Variants in MED14 observed in about 807,000 individuals in gnomAD.
MED14 encodes the protein mediator of RNA polymerase II transcription subunit 14.
Under a neutral mutation model 109.0 loss-of-function variants are expected in MED14, and 8 were observed. That is an observed-to-expected ratio of 0.07 (90% CI 0.04 to 0.13). The LOEUF is 0.13. Ranked by LOEUF, MED14 falls within the 10% of genes least tolerant of loss-of-function variation. The pLI is 1.00. For missense variants in MED14, 711 were observed against 1,142.4 expected, an observed-to-expected ratio of 0.62 and a Z score of 5.44; for synonymous variants, 399 against 408.7, an observed-to-expected ratio of 0.98 and a Z score of 0.29.
In MED14 at chrX:40,651,782, T is replaced by C; in HGVS notation, c.*24A>G. 8.6e-7 allele frequency: 1 copy of C among 1,164,373 alleles called. No homozygotes were observed. The highest frequency in any genetic ancestry group is 3.2e-5 in the East Asian group (1 of 31,381). On this transcript the variant is annotated 3_prime_UTR_variant, in exon 31 of 31. Coordinates refer to ENST00000324817, the MANE Select transcript of MED14 (RefSeq NM_004229.4). ...TTTTTTGTTGTCTCATCTGTCAGCC[T>C]TCCTGGTTTAAAAACAATAGTGTCT... is the stretch of plus-strand genomic sequence containing the variant.
In MED14 at chrX:40,651,708, T is replaced by TA. The variant is rs760242976; in HGVS notation, c.*97dup. The TA allele has an allele frequency of 3.6e-4, 385 of 1,068,923 alleles. No homozygotes were observed. Among genetic ancestry groups the TA allele is most frequent in the Admixed American group, 3.3e-4 (7 of 21,500 alleles). 88.1% of individuals were successfully genotyped at this position (1,068,923 alleles called of 1,213,427 possible). A position where few individuals can be genotyped will look rare whatever the true frequency, so the allele number is the denominator to read the frequency against. ...TTTAGAATATTTAGCTCTTAAAGTT[T>TA]AAAAAAAAAGTCCTTTTCCTTTTTT... On this transcript the variant is annotated 3_prime_UTR_variant, in exon 31 of 31. Coordinates refer to ENST00000324817, the MANE Select transcript of MED14 (RefSeq NM_004229.4).
intron 13 of MED14, 60 bp from the exon 14 acceptor site, chrX:40,692,962 C>A: frequency 1.2e-6 from 1 of 858,176 alleles, no homozygotes; most frequent in East Asian, 3.9e-5. Flanking sequence ...TATTTTCCTC[C>A]GTACATCATC....
intron 30 of MED14, among the ~76,000 whole-genome samples, chrX:40,652,815 C>A (rs1928921536): frequency 9.0e-6 from 1 of 111,374 alleles, no homozygotes. Context: ...GGATCCCTTC[C>A]TCTACAGCAT....
At chrX:40,718,335 C>A (rs1931609201) in intron 3 of MED14, among the ~76,000 whole-genome samples, 2 of 111,897 alleles carry the variant, frequency 1.8e-5, no homozygotes, top group Non-Finnish European at 1.9e-5. Context: ...AAATGCTTAT[C>A]AGACCAAGGT....
chrX:40,692,340 A>G, intron 14 of MED14, 23 bp from the exon 15 acceptor site: 1 of 1,057,466 alleles, frequency 9.5e-7, no homozygotes, highest in Non-Finnish European at 1.2e-6. Flanking sequence ...TAAAGAACAC[A>G]AACAGGTAAA....
In MED14 at chrX:40,651,474, C is replaced by T. The variant is rs1242651608; in HGVS notation, c.*332G>A. ...CAAAAACCAAAAAAGGACTATTACA[C>T]CCAAAACATAAGAAAACAATTAAAT... is the stretch of plus-strand genomic sequence containing the variant. On this transcript the variant is annotated 3_prime_UTR_variant, in exon 31 of 31. Transcript: ENST00000324817. 1.3e-6 allele frequency: 1 copy of T among 781,807 alleles called. No homozygotes were observed. The highest frequency in any genetic ancestry group is 6.5e-5 in the South Asian group (1 of 15,451). The allele number at this position is 781,807 out of a possible 1,213,427, so 64.4% of individuals were successfully genotyped here. A position where few individuals can be genotyped will look rare whatever the true frequency, so the allele number is the denominator to read the frequency against.
intron 1 of MED14, among the ~76,000 whole-genome samples, chrX:40,730,573 C>T (rs1244674406): frequency 2.7e-5 from 3 of 111,207 alleles, no homozygotes; most frequent in Non-Finnish European, 3.8e-5. Flanking sequence ...TCCTACCTGC[C>T]TCAGAGACCC....
chrX:40,718,009 C>G (rs1416043947), intron 3 of MED14, among the ~76,000 whole-genome samples: 2 of 112,115 alleles, frequency 1.8e-5, no homozygotes, highest in Non-Finnish European at 3.8e-5. Context: ...GGAAGTACAA[C>G]CAGATAATTA....
At chrX:40,720,713 G>A (rs1044374758) in intron 3 of MED14, among the ~76,000 whole-genome samples, 2 of 109,684 alleles carry the variant, frequency 1.8e-5, no homozygotes, top group Non-Finnish European at 3.8e-5. Flanking sequence ...CCCAGGCAGC[G>A]CAGCTTTTGA....
chrX:40,726,123 T>C (rs1199043011), intron 3 of MED14, among the ~76,000 whole-genome samples: 1 of 111,746 alleles, frequency 8.9e-6, no homozygotes, highest in Non-Finnish European at 1.9e-5. Flanking sequence ...TTTTAGCATC[T>C]TTGGTACACT....
chrX:40,735,403 C>A lies in MED14; in HGVS notation c.10G>T (p.Val4Leu). Residue 4 changes from valine (V) to leucine (L), a missense_variant, in exon 1 of 31, where the codon GTG becomes TTG. Transcript: ENST00000324817. Reference sequence around the variant, plus strand: ...ACCAGCTGGTGGTTCTCCAGCTGCACTGGGGCCATGGCGGCGCAGGACCGG... The same window carrying A: ...ACCAGCTGGTGGTTCTCCAGCTGCAATGGGGCCATGGCGGCGCAGGACCGG... MAP[V>L]QLENHQLVPP... The A allele has an allele frequency of 9.1e-7, 1 of 1,102,622 alleles. No individual in the cohort carries two copies. Among genetic ancestry groups the A allele is most frequent in the Non-Finnish European group, 1.2e-6 (1 of 844,591 alleles). 90.9% of individuals were successfully genotyped at this position (1,102,622 alleles called of 1,213,427 possible). A position where few individuals can be genotyped will look rare whatever the true frequency, so the allele number is the denominator to read the frequency against.
At chrX:40,658,082 C>T (rs1929123179) in intron 28 of MED14, among the ~76,000 whole-genome samples, 1 of 107,129 alleles carries the variant, frequency 9.3e-6, no homozygotes, top group Non-Finnish European at 1.9e-5. Flanking sequence ...GTGTGAGCCA[C>T]CGTGCACGGC....
intron 2 of MED14, 138 bp downstream of exon 2, chrX:40,729,181 T>C (rs1347684048): frequency 1.9e-6 from 1 of 527,834 alleles, no homozygotes; most frequent in East Asian, 3.7e-5. Flanking sequence ...ACTCCCTAAA[T>C]ACATGGTGTG....
intron 16 of MED14, among the ~76,000 whole-genome samples, chrX:40,686,567 G>T (rs1569287072): frequency 9.0e-6 from 1 of 111,374 alleles, no homozygotes. Flanking sequence ...CCAGGAAGAG[G>T]AACTATTCTA....
chrX:40,679,398 T>C (rs188492786), intron 21 of MED14, among the ~76,000 whole-genome samples: 159 of 111,173 alleles, frequency 1.4e-3, no homozygotes, highest in Non-Finnish European at 9.1e-4. Flanking sequence ...TCTCAGCTAC[T>C]GGGGAGGCTG....
intron 1 of MED14, 104 bp downstream of exon 1, chrX:40,735,094 A>C: frequency 1.7e-6 from 1 of 577,581 alleles, no homozygotes; most frequent in Non-Finnish European, 2.5e-6. Context: ...TAAGCAGTCC[A>C]GCGGAGAACA....
At chrX:40,683,100 T>C in intron 16 of MED14, 104 bp from the exon 17 acceptor site, 1 of 633,981 alleles carries the variant, frequency 1.6e-6, no homozygotes, top group Non-Finnish European at 2.4e-6. Context: ...CAAACTCCAC[T>C]TCTAGATACC....
Position 40,703,502 on chromosome X carries a change from A to G in MED14, c.1353T>C (p.Cys451=), listed in dbSNP as rs964037244. 20 of 1,193,781 alleles carry G rather than the reference A, an allele frequency of 1.7e-5. No homozygotes were observed. Among genetic ancestry groups the G allele is most frequent in the Non-Finnish European group, 2.2e-5 (19 of 880,943 alleles). ...AATGTAAATCTACAAAAATGTGCAGACACTCTGAATTACCACAGGGCTCCA... is the reference window on the plus strand; with the variant it reads ...AATGTAAATCTACAAAAATGTGCAGGCACTCTGAATTACCACAGGGCTCCA... ...PILEPCGNSE[C]LHIFVDLHSG... The change falls in exon 11 of 31, where the codon TGT becomes TGC. Residue 451 remains cysteine, a synonymous_variant. Coordinates refer to ENST00000324817, the MANE Select transcript of MED14 (RefSeq NM_004229.4).
At chrX:40,675,784 A>C (rs1929890666) in intron 21 of MED14, among the ~76,000 whole-genome samples, 1 of 112,297 alleles carries the variant, frequency 8.9e-6, no homozygotes, top group East Asian at 2.8e-4. Context: ...AAAACTGAGT[A>C]AGAAACGATC....
Sources: gnomAD v4.1 joint callset for allele counts (sites outside exome capture counted in the v4.1 genomes callset) on GRCh38, gnomAD v4.1.1 for gene constraint, MANE v1.5 for transcripts, NCBI Gene and HGNC (gene_info 2026-07-23, HGNC 2026-07-21) for gene names.